The following ERAP1 variants were observed in gnomAD, a reference collection of about 807,000 sequenced individuals.
The protein encoded by ERAP1 is endoplasmic reticulum aminopeptidase 1, also known as adipocyte-derived leucine aminopeptidase.
Under a neutral mutation model 103.7 loss-of-function variants are expected in ERAP1, and 86 were observed. That is an observed-to-expected ratio of 0.83 (90% CI 0.70 to 0.99). The LOEUF is 0.99. Among genes scored for constraint, ERAP1 ranks in the 50% least tolerant of loss-of-function variants. ERAP1 has a pLI of 0.00. For missense variants in ERAP1, 1,009 were observed against 1,128.4 expected (o/e 0.89, Z 1.52); for synonymous variants, 398 against 402.4 (o/e 0.99, Z 0.13).
the ERAP1 span, among the ~76,000 whole-genome samples, chr5:96,850,346 A>C: frequency 6.6e-6 from 1 of 152,168 alleles, no homozygotes; most frequent in African/African-American, 2.4e-5. Flanking sequence ...ACATCAGATA[A>C]AGGGCTGATA....
chr5:96,770,591 G>A, downstream of ERAP1: 2 of 1,610,944 alleles, frequency 1.2e-6, no homozygotes, highest in Non-Finnish European at 1.7e-6. Flanking sequence ...TAAAGCGAAG[G>A]ATTCAGCAAA....
the ERAP1 span, chr5:96,909,883 C>T: frequency 1.0e-6 from 1 of 959,164 alleles, no homozygotes; most frequent in Non-Finnish European, 1.5e-6. Context: ...ACATGCTGGG[C>T]ATTACAAACC....
chr5:96,836,491 C>T, the ERAP1 span, among the ~76,000 whole-genome samples: 1 of 152,194 alleles, frequency 6.6e-6, no homozygotes, highest in African/African-American at 2.4e-5. Flanking sequence ...CGTGAGCCAC[C>T]ACGCCTGGTC....
intron 3 of ERAP1, among the ~76,000 whole-genome samples, chr5:96,798,531 C>T (rs1258397430): frequency 2.0e-5 from 3 of 151,590 alleles, no homozygotes; most frequent in African/African-American, 4.8e-5. Flanking sequence ...ACCATGGTCA[C>T]GGGCATTTTT....
chr5:96,770,793 C>T (rs188883811), downstream of ERAP1, among the ~76,000 whole-genome samples: 138 of 152,242 alleles, frequency 9.1e-4, no homozygotes, highest in African/African-American at 3.0e-3. Context: ...GTAACTGGTG[C>T]TTTAAAATCC....
Position 96,785,970 on chromosome 5 carries a change from A to C in ERAP1, c.1761T>G (p.Asp587Glu), listed in dbSNP as rs143293248. ...CCACCTCTTCTGGGAGGATGAGCAC[A>C]TCTAGAGTAAATAAAATAAATCAAA... ...VHRFLLKTKT[D>E]VLILPEEVEW... Residue 587 changes from aspartate to glutamate, a missense_variant and splice_region_variant, in exon 13 of 19, where the codon GAT becomes GAG. Asp to Glu is a conservative substitution (Grantham distance 45, BLOSUM62 2). This residue lies in a region of ERAP1 where 611 missense variants were observed against 651.7 expected (regional missense o/e 0.94). Transcript: ENST00000443439. The C allele has an allele frequency of 1.2e-6, 2 of 1,613,976 alleles. No homozygotes were observed. The highest frequency in any genetic ancestry group is 1.7e-6 in the Non-Finnish European group (2 of 1,179,924).
rs552063749 is a variant in ERAP1, at chr5:96,774,500, A to AT, written c.*1895dup. The AT allele has an allele frequency of 3.9e-4, 380 of 983,892 alleles. No individual in the cohort carries two copies. The highest frequency in any genetic ancestry group is 3.6e-3 in the African/African-American group (208 of 57,330). 60.9% of individuals were successfully genotyped at this position (983,892 alleles called of 1,614,324 possible). A position where few individuals can be genotyped will look rare whatever the true frequency, so the allele number is the denominator to read the frequency against. On this transcript the variant is annotated 3_prime_UTR_variant, in exon 19 of 19. Coordinates refer to ENST00000443439, the MANE Select transcript of ERAP1 (RefSeq NM_001040458.3). ...AATATCCACTTAGAGGCAAAGAACA[A>AT]TTTTTTATTATCAAAAAGGTTTCTG...
At chr5:96,896,550 A>G in the ERAP1 span, 1 of 1,585,752 alleles carries the variant, frequency 6.3e-7, no homozygotes. Flanking sequence ...TCAGAAGTGT[A>G]ATAATGACTA....
chr5:96,869,919 T>A, the ERAP1 span, among the ~76,000 whole-genome samples: 1 of 152,036 alleles, frequency 6.6e-6, no homozygotes, highest in African/African-American at 2.4e-5. Flanking sequence ...GGACCAACCC[T>A]CCCACTGAAG....
At chr5:96,920,839 T>C in the ERAP1 span, among the ~76,000 whole-genome samples, 11 of 152,234 alleles carry the variant, frequency 7.2e-5, no homozygotes, top group African/African-American at 2.4e-4. Context: ...CTGAAAAGGA[T>C]CATGAAAGAA....
At chr5:96,828,902 A>G in the ERAP1 span, among the ~76,000 whole-genome samples, 2 of 152,062 alleles carry the variant, frequency 1.3e-5, no homozygotes, top group African/African-American at 4.8e-5. Context: ...GCTGGAGTGC[A>G]GTGGCACAAT....
rs755784139 is a variant in ERAP1 at position 96,783,062 on chromosome 5, A to G, written c.2274T>C (p.Asn758=). 3 of 1,614,224 alleles carry G rather than the reference A, an allele frequency of 1.9e-6. No individual in the cohort carries two copies. Among genetic ancestry groups the G allele is most frequent in the Non-Finnish European group, 2.5e-6 (3 of 1,180,038 alleles). ...EGYFRKWKES[N]GNLSLPVDVT... ...TAGTAAGGACTGACCTCAAGTTTCCATTGGATTCCTTCCACTTTCTGAAAT... is the reference window on the plus strand; with the variant it reads ...TAGTAAGGACTGACCTCAAGTTTCCGTTGGATTCCTTCCACTTTCTGAAAT... Residue 758 remains asparagine (N), a synonymous_variant, in exon 15 of 19, where the codon AAT becomes AAC. Transcript: ENST00000443439.
chr5:96,790,212 G>T, intron 10 of ERAP1, 84 bp downstream of exon 10: 1 of 1,209,436 alleles, frequency 8.3e-7, no homozygotes, highest in South Asian at 1.2e-5. Context: ...AAGGACCTCA[G>T]AAAGTTTGGC....
At chr5:96,921,530 C>T in the ERAP1 span, among the ~76,000 whole-genome samples, 1 of 152,212 alleles carries the variant, frequency 6.6e-6, no homozygotes, top group African/African-American at 2.4e-5. Context: ...GAAATGCATA[C>T]TTAACTAACA....
intron 19 of ERAP1, chr5:96,767,863 GC>G: frequency 4.8e-6 from 6 of 1,238,756 alleles, no homozygotes; most frequent in African/African-American, 1.5e-5. Context: ...ATTGCATTTT[GC>G]CTTCTGCTTC....
chr5:96,800,336 A>G (rs1777841979), intron 3 of ERAP1, among the ~76,000 whole-genome samples: 1 of 152,186 alleles, frequency 6.6e-6, no homozygotes, highest in Non-Finnish European at 1.5e-5. Context: ...GCTATCTATC[A>G]TGACTTACCT....
chr5:96,784,474 C>T (rs1177138610), intron 13 of ERAP1, among the ~76,000 whole-genome samples: 1 of 138,578 alleles, frequency 7.2e-6, no homozygotes, highest in African/African-American at 2.7e-5. Flanking sequence ...CAGAGTGAGA[C>T]TCCATCTCCA....
chr5:96,797,670 C>T (rs1032595551), intron 3 of ERAP1, among the ~76,000 whole-genome samples: 6 of 152,046 alleles, frequency 3.9e-5, no homozygotes, highest in Non-Finnish European at 7.4e-5. Flanking sequence ...TGTCTAATGA[C>T]GCTTCTATAG....
chr5:96,799,724 A>G (rs1777768289), intron 3 of ERAP1, among the ~76,000 whole-genome samples: 1 of 152,230 alleles, frequency 6.6e-6, no homozygotes, highest in Admixed American at 6.5e-5. Flanking sequence ...CTATATTTTG[A>G]AAAAGCACAT....
Sources: gnomAD v4.1 joint callset for allele counts (sites outside exome capture counted in the v4.1 genomes callset) on GRCh38, gnomAD v4.1.1 for gene constraint, gnomAD v4.1.1 regional missense constraint, MANE v1.5 for transcripts, NCBI Gene and HGNC (gene_info 2026-07-23, HGNC 2026-07-21) for gene names.